TENM4: variants seen among roughly 807,000 people sequenced by gnomAD.
The protein encoded by TENM4 is teneurin transmembrane protein 4.
Under a neutral mutation model 243.3 loss-of-function variants are expected in TENM4, and 82 were observed. The ratio of observed to expected loss-of-function variants is 0.34; its 90% CI spans 0.28 to 0.40. The LOEUF (loss-of-function observed/expected upper bound fraction) is 0.40, where lower values mean the gene tolerates loss of function less well. Among genes scored for constraint, TENM4 ranks in the 10% least tolerant of loss-of-function variants. The probability of loss-of-function intolerance (pLI) is 1.00; values close to 1 mark genes in which losing one functional copy is unlikely to be tolerated. For synonymous variants in TENM4, 1,412 were observed against 1,456.3 expected (o/e 0.97, Z 0.69); for missense variants, 3,138 against 3,673.3 (o/e 0.85, Z 3.77).
chr11:78,930,884 G>A (rs967972632), intron 6 of TENM4, among the ~76,000 whole-genome samples: 1 of 152,202 alleles, frequency 6.6e-6, no homozygotes. Context: ...GAGGCAGGAA[G>A]CTATCGTTAA....
At chr11:79,394,313 C>A (rs950000684) in intron 1 of TENM4, among the ~76,000 whole-genome samples, 2 of 152,124 alleles carry the variant, frequency 1.3e-5, no homozygotes, top group African/African-American at 4.8e-5. Context: ...GGCATGCCTA[C>A]CCCCGCATCC....
At chr11:79,279,481 G>A (rs1279887855) in intron 2 of TENM4, among the ~76,000 whole-genome samples, 1 of 152,172 alleles carries the variant, frequency 6.6e-6, no homozygotes, top group Non-Finnish European at 1.5e-5. Flanking sequence ...AAATAATTAT[G>A]TAATGAATTG....
intron 3 of TENM4, among the ~76,000 whole-genome samples, chr11:79,206,925 A>T (rs1863859897): frequency 6.6e-6 from 1 of 152,200 alleles, no homozygotes; most frequent in Non-Finnish European, 1.5e-5. Flanking sequence ...GGGCAGGACT[A>T]AGAATGGGAC....
intron 3 of TENM4, among the ~76,000 whole-genome samples, chr11:79,213,246 A>C (rs1863985866): frequency 6.6e-6 from 1 of 152,076 alleles, no homozygotes; most frequent in Admixed American, 6.6e-5. Context: ...CACAATATGG[A>C]ACCTGTTCAA....
chr11:78,805,281 C>CACCCCA lies in TENM4; in HGVS notation c.2179+10_2179+11insTGGGGT. 14 of 1,488,458 alleles carry CACCCCA rather than the reference C, an allele frequency of 9.4e-6. No homozygotes were observed. Among genetic ancestry groups the CACCCCA allele is most frequent in the Admixed American group, 1.9e-5 (1 of 53,496 alleles). The allele number at this position is 1,488,458 out of a possible 1,614,324, so 92.2% of individuals were successfully genotyped here. On this transcript the variant is annotated intron_variant, in intron 15 of 33. Coordinates refer to ENST00000278550, the MANE Select transcript of TENM4 (RefSeq NM_001098816.3). ...TCCCTCTACCCATGCTTCTTCTCCC[C>CACCCCA]CTGCATTTACCGATAGAACAGTCGT... is the stretch of plus-strand genomic sequence containing the variant.
intron 1 of TENM4, among the ~76,000 whole-genome samples, chr11:79,334,173 C>T: frequency 6.6e-6 from 1 of 152,204 alleles, no homozygotes; most frequent in East Asian, 1.9e-4. Context: ...AAGAGCAGGT[C>T]CCAGCTGCTT....
At position 79,238,128 on chromosome 11, in the gene TENM4, G is replaced by A. The variant is rs116784886; in HGVS notation, c.-264-22219C>T. Reference sequence around the variant, plus strand: ...GATATTTGTCCCCGCAGATTAATATGCACTCACGGTTTGGGAGTGCTGTCT... The same window carrying A: ...GATATTTGTCCCCGCAGATTAATATACACTCACGGTTTGGGAGTGCTGTCT... On this transcript the variant is annotated intron_variant, in intron 2 of 33. Transcript: ENST00000278550. Among the ~76,000 whole-genome samples, 717 of 152,284 alleles carry A rather than the reference G, an allele frequency of 4.7e-3. 8 individuals carry two copies. Among genetic ancestry groups the A allele is most frequent in the African/African-American group, 0.017 (689 of 41,548 alleles).
chr11:79,329,338 G>C (rs1356185525), intron 1 of TENM4, among the ~76,000 whole-genome samples: 1 of 152,180 alleles, frequency 6.6e-6, no homozygotes, highest in Non-Finnish European at 1.5e-5. Flanking sequence ...CCTTTGCTGG[G>C]AACATCTTCT....
intron 6 of TENM4, chr11:78,924,435 A>C: frequency 6.6e-6 from 1 of 152,252 alleles, no homozygotes. Context: ...TACAGCCAAA[A>C]GTATCTCCAC....
chr11:78,999,242 G>A (rs1258952476), intron 6 of TENM4, among the ~76,000 whole-genome samples: 2 of 152,216 alleles, frequency 1.3e-5, no homozygotes, highest in African/African-American at 4.8e-5. Context: ...GGCTGGGCGG[G>A]GTGGCTCACG....
chr11:79,093,948 T>C (rs1407306055), intron 4 of TENM4: 1 of 152,252 alleles, frequency 6.6e-6, no homozygotes, highest in African/African-American at 2.4e-5. Flanking sequence ...GGTAGCTGAA[T>C]TTAAGTTTCT....
intron 1 of TENM4, among the ~76,000 whole-genome samples, chr11:79,405,784 G>T (rs1037480124): frequency 2.9e-5 from 4 of 138,866 alleles, no homozygotes; most frequent in Non-Finnish European, 6.0e-5. Flanking sequence ...AATGATTTAC[G>T]CATATAAAAA....
chr11:78,945,474 G>T (rs569678147), intron 6 of TENM4, among the ~76,000 whole-genome samples: 1 of 152,082 alleles, frequency 6.6e-6, no homozygotes, highest in African/African-American at 2.4e-5. Context: ...CCTCTCCTCC[G>T]GCCTTTCTAT....
At chr11:79,140,874 A>G in intron 4 of TENM4, among the ~76,000 whole-genome samples, 1 of 152,046 alleles carries the variant, frequency 6.6e-6, no homozygotes, top group Non-Finnish European at 1.5e-5. Flanking sequence ...TAGACAGAAG[A>G]GGCAGGAAGG....
Position 78,663,927 on chromosome 11 carries a change from G to T in TENM4, c.7409-2336C>A, listed in dbSNP as rs181270624. On this transcript the variant is annotated intron_variant, in intron 32 of 33. Transcript: ENST00000278550. ...TTGTCTGGGGCCCCCTCTCCCGAGTGTGCAACTTGGTGGTGCTGAGGTGGA... is the reference window on the plus strand; with the variant it reads ...TTGTCTGGGGCCCCCTCTCCCGAGTTTGCAACTTGGTGGTGCTGAGGTGGA... Among the ~76,000 whole-genome samples, 87 of 152,298 alleles carry T rather than the reference G, an allele frequency of 5.7e-4. 1 individual carries two copies. The highest frequency in any genetic ancestry group is 1.9e-3 in the African/African-American group (80 of 41,550).
intron 1 of TENM4, among the ~76,000 whole-genome samples, chr11:79,407,729 C>G (rs1858603125): frequency 6.6e-6 from 1 of 152,170 alleles, no homozygotes; most frequent in Non-Finnish European, 1.5e-5. Flanking sequence ...AGTTCATCTA[C>G]TAGTTGAACT....
intron 6 of TENM4, among the ~76,000 whole-genome samples, chr11:79,007,501 G>A (rs1240911418): frequency 6.6e-6 from 1 of 152,058 alleles, no homozygotes; most frequent in Non-Finnish European, 1.5e-5. Context: ...GCATCCACTG[G>A]GGCACTGCAA....
At chr11:78,953,521 T>C (rs1293852591) in intron 6 of TENM4, among the ~76,000 whole-genome samples, 2 of 152,184 alleles carry the variant, frequency 1.3e-5, no homozygotes, top group African/African-American at 4.8e-5. Context: ...TTTTCTCATT[T>C]ATACCACAAT....
In TENM4 at chr11:78,972,289, C is replaced by T. The variant is rs373721687; in HGVS notation, c.494-68766G>A. Among the ~76,000 whole-genome samples the T allele has an allele frequency of 2.2e-4, 33 of 152,192 alleles. No homozygotes were observed. The South Asian group carries it at 5.2e-3, about 24-fold the overall frequency. On this transcript the variant is annotated intron_variant, in intron 6 of 33. Transcript: ENST00000278550. ...TCTTGTGGGTCTTACTCCCCTGGTCCGGCAGCTCCCACTAAGTCAACTCTC... is the reference window on the plus strand; with the variant it reads ...TCTTGTGGGTCTTACTCCCCTGGTCTGGCAGCTCCCACTAAGTCAACTCTC...
Sources: allele counts gnomAD v4.1 joint callset (sites outside exome capture counted in the v4.1 genomes callset), GRCh38; gene constraint gnomAD v4.1.1; transcripts MANE v1.5; gene names NCBI Gene and HGNC (gene_info 2026-07-23, HGNC 2026-07-21).